Variants in RFFL observed in about 807,000 individuals in gnomAD.
The protein encoded by RFFL is E3 ubiquitin-protein ligase rififylin.
Under a neutral mutation model 40.4 loss-of-function variants are expected in RFFL, and 16 were observed. The ratio of observed to expected loss-of-function variants is 0.40; its 90% CI spans 0.27 to 0.60. RFFL has a LOEUF of 0.60. Ranked by LOEUF, RFFL falls within the 20% of genes least tolerant of loss-of-function variation. The probability of loss-of-function intolerance (pLI) is 0.47; values close to 1 mark genes in which losing one functional copy is unlikely to be tolerated. For synonymous variants in RFFL, 154 were observed against 167.9 expected (o/e 0.92, Z 0.64); for missense variants, 367 against 451.7 (o/e 0.81, Z 1.70).
chr17:35,069,351 G>A, intron 1 of RFFL: 1 of 456,430 alleles, frequency 2.2e-6, no homozygotes, highest in Non-Finnish European at 4.4e-6. Context: ...CATCTTGAAG[G>A]GTGATTTCTA....
chr17:35,010,333 T>C lies in RFFL; in HGVS notation c.*1635A>G, dbSNP rs567241377. On this transcript the variant is annotated 3_prime_UTR_variant, in exon 7 of 7. Coordinates refer to ENST00000394597, the MANE Select transcript of RFFL (RefSeq NM_001017368.2). ...AAAACACTCTGCTTTCCTGATCATG[T>C]GTTTTGTGCTTGGCCACGCTTCTGC... 2.0e-5 allele frequency: 3 copies of C among 152,374 alleles called. No homozygotes were observed. Among genetic ancestry groups the C allele is most frequent in the African/African-American group, 7.2e-5 (3 of 41,568 alleles). The allele number at this position is 152,374 out of a possible 1,614,324, so 9.4% of individuals were successfully genotyped here.
chr17:35,056,433 A>C (rs191817714), intron 1 of RFFL, among the ~76,000 whole-genome samples: 206 of 143,160 alleles, frequency 1.4e-3, no homozygotes, highest in Middle Eastern at 3.6e-3. Context: ...GCTGGAATGC[A>C]GTGGCATGAT....
intron 3 of RFFL, chr17:35,018,650 T>C (rs887460494): frequency 6.6e-6 from 1 of 152,212 alleles, no homozygotes; most frequent in African/African-American, 2.4e-5. Context: ...ATTCATAATA[T>C]GGAGCTAATC....
chr17:35,085,591 G>C (rs144871786), intron 1 of RFFL, among the ~76,000 whole-genome samples: 1 of 152,048 alleles, frequency 6.6e-6, no homozygotes, highest in East Asian at 1.9e-4. Flanking sequence ...CACCATGCCC[G>C]GCTAATTTTG....
At position 35,072,461 on chromosome 17, in the gene RFFL, T is replaced by C. The variant is rs559879865; in HGVS notation, c.-9+16644A>G. ...TACTGGTTTCCAGAGATTAGGACAG[T>C]AGGGAAAACGGATATGCATGATAAT... On this transcript the variant is annotated intron_variant, in intron 1 of 6. Transcript: ENST00000315249. 3.9e-4 allele frequency among the ~76,000 whole-genome samples: 59 copies of C among 151,984 alleles called. No homozygotes were observed. In the South Asian group the frequency reaches 0.011, roughly 29 times the overall value.
intron 1 of RFFL, among the ~76,000 whole-genome samples, chr17:35,029,954 T>C (rs2091071663): frequency 6.6e-6 from 1 of 151,004 alleles, no homozygotes; most frequent in Non-Finnish European, 1.5e-5. Context: ...TGGTTTTTTG[T>C]CCTTGCAATA....
chr17:35,062,203 G>A (rs927057315), intron 1 of RFFL, among the ~76,000 whole-genome samples: 4 of 151,964 alleles, frequency 2.6e-5, no homozygotes, highest in Non-Finnish European at 5.9e-5. Flanking sequence ...AAGAGATCGA[G>A]ACCATCCTCG....
intron 1 of RFFL, among the ~76,000 whole-genome samples, chr17:35,070,595 TA>T (rs1191491848): frequency 6.6e-6 from 1 of 152,186 alleles, no homozygotes; most frequent in African/African-American, 2.4e-5. Flanking sequence ...GGCAAAAGTA[TA>T]AAAAATTAAC....
At chr17:35,064,740 C>G (rs933260198), upstream of RFFL, among the ~76,000 whole-genome samples, 1 of 152,148 alleles carries the variant, frequency 6.6e-6, no homozygotes, top group South Asian at 2.1e-4. Context: ...TAAGGTAGGT[C>G]TCACATGGCA....
At chr17:35,043,797 CA>C (rs1429033148) in intron 1 of RFFL, among the ~76,000 whole-genome samples, 1 of 152,128 alleles carries the variant, frequency 6.6e-6, no homozygotes, top group African/African-American at 2.4e-5. Flanking sequence ...CTACAAAAAT[CA>C]GAATTAAAAT....
chr17:35,031,058 A>C (rs1303771870), intron 1 of RFFL, among the ~76,000 whole-genome samples: 2 of 152,034 alleles, frequency 1.3e-5, no homozygotes, highest in Non-Finnish European at 2.9e-5. Context: ...AACAATTACC[A>C]TCTGGCTTTC....
In RFFL at chr17:35,011,174, A is replaced by C. The variant is rs1327431721; in HGVS notation, c.*794T>G. 1.3e-5 allele frequency: 2 copies of C among 152,220 alleles called. No individual in the cohort carries two copies. Among genetic ancestry groups the C allele is most frequent in the Non-Finnish European group, 2.9e-5 (2 of 68,052 alleles). The allele number at this position is 152,220 out of a possible 1,614,324, so 9.4% of individuals were successfully genotyped here. Reference sequence around the variant, plus strand: ...TTTCCGCATAAACTAAGGATGGTGCAAATCAGGTCCCAAGAGAAGCAGCAG... The same window carrying C: ...TTTCCGCATAAACTAAGGATGGTGCCAATCAGGTCCCAAGAGAAGCAGCAG... On this transcript the variant is annotated 3_prime_UTR_variant, in exon 7 of 7. Coordinates refer to ENST00000394597, the MANE Select transcript of RFFL (RefSeq NM_001017368.2).
intron 1 of RFFL, among the ~76,000 whole-genome samples, chr17:35,071,665 CACTT>C (rs2091351577): frequency 6.6e-6 from 1 of 151,710 alleles, no homozygotes; most frequent in Non-Finnish European, 1.5e-5. Flanking sequence ...ACTGAACATA[CACTT>C]ACTTACCTTA....
Position 35,016,560 on chromosome 17 carries a change from G to C in RFFL, c.696C>G (p.Ser232Arg). 1 of 1,614,042 alleles carries C rather than the reference G, an allele frequency of 6.2e-7. No homozygotes were observed. The highest frequency in any genetic ancestry group is 8.5e-7 in the Non-Finnish European group (1 of 1,179,906). ...DETQSIDSED[S>R]FVPGRRASLS... The stretch of plus-strand genomic sequence containing the variant: ...GAGAGGCCCTTCGGCCTGGGACAAA[G>C]CTGTCCTCTGAGTCAATAGACTGCA... Residue 232 changes from serine (S) to arginine (R), a missense_variant, in exon 5 of 7, where the codon AGC (serine) becomes AGG (arginine). Ser to Arg is a moderately radical substitution (Grantham distance 110). Coordinates refer to ENST00000394597, the MANE Select transcript of RFFL (RefSeq NM_001017368.2).
chr17:35,019,320 G>C (rs1317476011), intron 3 of RFFL, among the ~76,000 whole-genome samples: 1 of 152,116 alleles, frequency 6.6e-6, no homozygotes, highest in East Asian at 1.9e-4. Flanking sequence ...GAAATTTCTG[G>C]TTAATGACAG....
At chr17:35,038,243 C>T (rs930771729) in intron 1 of RFFL, among the ~76,000 whole-genome samples, 2 of 142,308 alleles carry the variant, frequency 1.4e-5, no homozygotes, top group Non-Finnish European at 3.0e-5. Context: ...GAACCCAGAT[C>T]GCACCATTGC....
intron 1 of RFFL, among the ~76,000 whole-genome samples, chr17:35,043,425 G>A (rs538158684): frequency 3.9e-5 from 6 of 152,276 alleles, no homozygotes; most frequent in South Asian, 2.1e-4. Flanking sequence ...GTAAATAGCC[G>A]TCATTATAAT....
chr17:35,055,573 A>T (rs1432030680), intron 1 of RFFL, among the ~76,000 whole-genome samples: 2 of 151,362 alleles, frequency 1.3e-5, no homozygotes, highest in Non-Finnish European at 2.9e-5. Flanking sequence ...CAGGAGGCTG[A>T]GGCAGGAGAA....
intron 1 of RFFL, among the ~76,000 whole-genome samples, chr17:35,075,948 C>G (rs2091373329): frequency 6.6e-6 from 1 of 151,552 alleles, no homozygotes. Flanking sequence ...AATATGCCTC[C>G]CAATACAAGC....
Sources: allele counts gnomAD v4.1 joint callset (sites outside exome capture counted in the v4.1 genomes callset), GRCh38; gene constraint gnomAD v4.1.1; transcripts MANE v1.5; gene names NCBI Gene and HGNC (gene_info 2026-07-23, HGNC 2026-07-21).